ZC4H2: variants seen among roughly 807,000 people sequenced by gnomAD.
ZC4H2 encodes the protein zinc finger C4H2-type containing.
For missense variants in ZC4H2, 137 were observed against 173.9 expected (o/e 0.79, Z 1.19); for synonymous variants, 84 against 66.3 (o/e 1.27, Z -1.30).
chrX:65,007,175 T>C (rs1183449336), intron 1 of ZC4H2, among the ~76,000 whole-genome samples: 2 of 111,963 alleles, frequency 1.8e-5, no homozygotes, highest in Admixed American at 9.5e-5. Flanking sequence ...TTGTCTGATA[T>C]ACCTGCCACC....
chrX:64,952,100 C>T (rs1930872335), intron 1 of ZC4H2, among the ~76,000 whole-genome samples: 1 of 110,763 alleles, frequency 9.0e-6, no homozygotes, highest in Non-Finnish European at 1.9e-5. Flanking sequence ...TGTCAAAGAT[C>T]AGATAGTTGT....
chrX:64,946,355 TC>T (rs1456122498), intron 1 of ZC4H2, among the ~76,000 whole-genome samples: 2 of 109,957 alleles, frequency 1.8e-5, no homozygotes, highest in African/African-American at 6.6e-5. Context: ...AACAGGGAGG[TC>T]CCTGGTCCTT....
At chrX:64,961,152 T>C (rs922466013) in intron 1 of ZC4H2, among the ~76,000 whole-genome samples, 1 of 111,946 alleles carries the variant, frequency 8.9e-6, no homozygotes, top group Admixed American at 9.5e-5. Flanking sequence ...TATATATTTA[T>C]AATTGTTGCA....
chrX:64,976,505 G>T, upstream of ZC4H2: 2 of 717,476 alleles, frequency 2.8e-6, no homozygotes, highest in South Asian at 2.5e-5. Flanking sequence ...GCTTGGAGAG[G>T]CCTGGGAGCT....
chrX:64,947,172 G>A (rs1930575343), intron 1 of ZC4H2, among the ~76,000 whole-genome samples: 1 of 112,166 alleles, frequency 8.9e-6, no homozygotes, highest in East Asian at 2.8e-4. Flanking sequence ...CTGGTTTTTA[G>A]TTTGATTTTA....
At chrX:64,952,682 T>G (rs1017373042) in intron 1 of ZC4H2, among the ~76,000 whole-genome samples, 2 of 110,251 alleles carry the variant, frequency 1.8e-5, no homozygotes, top group African/African-American at 3.3e-5. Context: ...TACAAACAAA[T>G]GGAAGAACAT....
At chrX:64,976,689 C>T (rs1017312971), upstream of ZC4H2, among the ~76,000 whole-genome samples, 5 of 111,940 alleles carry the variant, frequency 4.5e-5, no homozygotes, top group African/African-American at 1.6e-4. Flanking sequence ...GGATATTCGT[C>T]TGGCCCGTGT....
chrX:64,933,515 G>A (rs1416808959), intron 1 of ZC4H2, among the ~76,000 whole-genome samples: 4 of 110,786 alleles, frequency 3.6e-5, no homozygotes, highest in Admixed American at 1.9e-4. Context: ...ATTTTTTATT[G>A]GACTGTGGTT....
At chrX:65,032,782 T>TTCC (rs1932951217) in intron 1 of ZC4H2, among the ~76,000 whole-genome samples, 10 of 63,137 alleles carry the variant, frequency 1.6e-4, no homozygotes, top group African/African-American at 6.2e-4. Context: ...TCCTTCCTTC[T>TTCC]TTCTTTTTTT....
At chrX:64,954,580 C>T (rs190254793) in intron 1 of ZC4H2, among the ~76,000 whole-genome samples, 2 of 104,929 alleles carry the variant, frequency 1.9e-5, no homozygotes, top group Admixed American at 1.1e-4. Context: ...AATGCTGATG[C>T]TGTTTCTGAA....
chrX:64,933,461 C>T (rs1290404110), intron 1 of ZC4H2, among the ~76,000 whole-genome samples: 2 of 111,503 alleles, frequency 1.8e-5, no homozygotes, highest in African/African-American at 3.3e-5. Context: ...TACTTTCCTG[C>T]TTCCTTCTCA....
chrX:65,016,864 A>T (rs1932801220), intron 1 of ZC4H2, among the ~76,000 whole-genome samples: 1 of 111,844 alleles, frequency 8.9e-6, no homozygotes, highest in Non-Finnish European at 1.9e-5. Flanking sequence ...TATAGCTAAA[A>T]AGAAAGAACT....
At chrX:64,945,804 T>C (rs1439283182) in intron 1 of ZC4H2, among the ~76,000 whole-genome samples, 1 of 110,956 alleles carries the variant, frequency 9.0e-6, no homozygotes, top group South Asian at 3.9e-4. Context: ...AGAGAGGCAG[T>C]CTGGCCACAG....
intron 1 of ZC4H2, among the ~76,000 whole-genome samples, chrX:65,030,926 T>C (rs1184236828): frequency 9.0e-6 from 1 of 111,296 alleles, no homozygotes. Flanking sequence ...TCTTAGTAAT[T>C]TTCCAATAAT....
chrX:65,032,709 G>T (rs1932947452), intron 1 of ZC4H2, among the ~76,000 whole-genome samples: 1 of 108,677 alleles, frequency 9.2e-6, no homozygotes, highest in African/African-American at 3.4e-5. Flanking sequence ...GTCCATTTGA[G>T]CTCTCCTCTA....
chrX:65,004,444 C>T (rs908584001), intron 1 of ZC4H2, among the ~76,000 whole-genome samples: 6 of 111,980 alleles, frequency 5.4e-5, no homozygotes, highest in Non-Finnish European at 1.1e-4. Flanking sequence ...AATCAATAAA[C>T]GTAATCCATC....
chrX:64,948,279 C>A (rs998408110), intron 1 of ZC4H2, among the ~76,000 whole-genome samples: 1 of 111,540 alleles, frequency 9.0e-6, no homozygotes, highest in Non-Finnish European at 1.9e-5. Context: ...GATTAACTGG[C>A]TTGGATCCAG....
upstream of ZC4H2, among the ~76,000 whole-genome samples, chrX:64,980,389 A>AG (rs1253811489): frequency 2.7e-5 from 3 of 111,888 alleles, no homozygotes; most frequent in Admixed American, 9.5e-5. Context: ...CACACACATA[A>AG]GGGGAGAACC....
At chrX:65,023,434 C>T (rs1302509318) in intron 1 of ZC4H2, among the ~76,000 whole-genome samples, 1 of 111,555 alleles carries the variant, frequency 9.0e-6, no homozygotes, top group East Asian at 2.8e-4. Flanking sequence ...TGTCTTGTGC[C>T]AGTTTTCAAA....
Sources: gnomAD v4.1 joint callset for allele counts (sites outside exome capture counted in the v4.1 genomes callset) on GRCh38, gnomAD v4.1.1 for gene constraint, MANE v1.5 for transcripts, NCBI Gene and HGNC (gene_info 2026-07-23, HGNC 2026-07-21) for gene names.